ZNF280B: variants seen among roughly 807,000 people sequenced by gnomAD.
The protein encoded by ZNF280B is suppressor of hairy wing homolog 2.
A neutral mutation model predicts 38.0 loss-of-function variants in ZNF280B; 16 were observed. That is an observed-to-expected ratio of 0.42 (90% CI 0.28 to 0.64). The LOEUF is 0.64. ZNF280B is among the 30% of genes least tolerant of loss of function. The probability of loss-of-function intolerance (pLI) is 0.21; values close to 1 mark genes in which losing one functional copy is unlikely to be tolerated. For synonymous variants in ZNF280B, 253 were observed against 230.6 expected (o/e 1.10, Z -0.88); for missense variants, 581 against 639.6 (o/e 0.91, Z 0.99).
chr22:22,505,715 C>T (rs756818693), intron 2 of ZNF280B, among the ~76,000 whole-genome samples: 3 of 149,876 alleles, frequency 2.0e-5, no homozygotes, highest in South Asian at 2.1e-4. Flanking sequence ...GCCGAGACTG[C>T]GCCATTGCAC....
In ZNF280B at chr22:22,489,187, C is replaced by A. The variant is rs2061545790; in HGVS notation, c.212G>T (p.Arg71Met). The change falls in exon 4 of 4, where the codon AGG becomes ATG. Residue 71 changes from arginine to methionine, a missense_variant. Transcript: ENST00000626650. Reference sequence around the variant, plus strand: ...TCTAAGGTGATCATACTTTTTTCTCCTTGACCATGAACCCGGGGTGACTCT... The same window carrying A: ...TCTAAGGTGATCATACTTTTTTCTCATTGACCATGAACCCGGGGTGACTCT... ...LNRVTPGSWS[R>M]RKKYDHLRKD... is the part of the protein sequence containing the mutation. The A allele has an allele frequency of 6.2e-7, 1 of 1,613,686 alleles. No homozygotes were observed.
At chr22:22,499,803 A>T (rs2061780435) in intron 2 of ZNF280B, among the ~76,000 whole-genome samples, 1 of 151,922 alleles carries the variant, frequency 6.6e-6, no homozygotes, top group Non-Finnish European at 1.5e-5. Flanking sequence ...CACTTTAACC[A>T]CTTCAACTCA....
At chr22:22,506,632 C>G (rs2061944990) in intron 2 of ZNF280B, among the ~76,000 whole-genome samples, 1 of 151,680 alleles carries the variant, frequency 6.6e-6, no homozygotes, top group Non-Finnish European at 1.5e-5. Flanking sequence ...AAAACGAGAT[C>G]TTTAAGGTGA....
intron 2 of ZNF280B, among the ~76,000 whole-genome samples, chr22:22,504,970 A>T (rs866988083): frequency 6.6e-6 from 1 of 151,982 alleles, no homozygotes; most frequent in Non-Finnish European, 1.5e-5. Context: ...CAGAAGGGGT[A>T]GTCAGAAAAT....
At position 22,494,175 on chromosome 22, in the gene ZNF280B, C is replaced by A. The variant is rs945142959; in HGVS notation, c.-181G>T. ...CGTCCAGCATCTTGATCTTGAACTT[C>A]CCAGCCTAAAAATGTGAGAAATGAA... On this transcript the variant is annotated 5_prime_UTR_variant, in exon 3 of 4. Transcript: ENST00000626650. The A allele has an allele frequency of 6.6e-6, 1 of 151,926 alleles. No homozygotes were observed. Among genetic ancestry groups the A allele is most frequent in the African/African-American group, 2.4e-5 (1 of 41,382 alleles). The allele number at this position is 151,926 out of a possible 1,614,324, so 9.4% of individuals were successfully genotyped here. A position where few individuals can be genotyped will look rare whatever the true frequency, so the allele number is the denominator to read the frequency against.
At chr22:22,503,919 A>G (rs1238524538) in intron 2 of ZNF280B, among the ~76,000 whole-genome samples, 1 of 151,478 alleles carries the variant, frequency 6.6e-6, no homozygotes, top group Non-Finnish European at 1.5e-5. Context: ...GCGACTGGGA[A>G]GCTCCCAGGG....
chr22:22,499,658 A>G (rs965485401), intron 2 of ZNF280B, among the ~76,000 whole-genome samples: 1 of 151,990 alleles, frequency 6.6e-6, no homozygotes, highest in African/African-American at 2.4e-5. Flanking sequence ...GAAACAACAA[A>G]ACGATTGGGA....
intron 2 of ZNF280B, among the ~76,000 whole-genome samples, chr22:22,501,447 G>C (rs763478209): frequency 6.6e-6 from 1 of 151,432 alleles, no homozygotes; most frequent in Non-Finnish European, 1.5e-5. Flanking sequence ...GCCTGTAATC[G>C]CAGCTACTCG....
intron 2 of ZNF280B, among the ~76,000 whole-genome samples, chr22:22,494,472 C>T (rs1401263176): frequency 6.6e-6 from 1 of 151,820 alleles, no homozygotes; most frequent in African/African-American, 2.4e-5. Context: ...GTCCAGAGAC[C>T]CTTCTCTACA....
In ZNF280B at chr22:22,488,170, T is replaced by C; in HGVS notation, c.1229A>G (p.Tyr410Cys). 2 of 1,613,950 alleles carry C rather than the reference T, an allele frequency of 1.2e-6. No individual in the cohort carries two copies. Among genetic ancestry groups the C allele is most frequent in the Non-Finnish European group, 1.7e-6 (2 of 1,179,978 alleles). ...EMPYVCQVCHYRSSVFADVET... is the reference protein window; with the variant it reads ...EMPYVCQVCHCRSSVFADVET... Reference sequence around the variant, plus strand: ...TACATCAGCAAAGACCGACGATCTATAATGGCAAACCTGGCACACATAGGG... The same window carrying C: ...TACATCAGCAAAGACCGACGATCTACAATGGCAAACCTGGCACACATAGGG... The change falls in exon 4 of 4, where the codon TAT becomes TGT. Residue 410 changes from tyrosine (Y) to cysteine (C), a missense_variant. By Grantham distance (194) the Tyr-to-Cys change is radical. Coordinates refer to ENST00000626650, the MANE Select transcript of ZNF280B (RefSeq NM_080764.4).
rs200116158 is a variant in ZNF280B at position 22,488,954 on chromosome 22, T to C, written c.445A>G (p.Thr149Ala). ...CTTACTGGATGATGCAATGAATCTGTGAATGTAATCAAAGGAGAAGGTAAT... is the reference window on the plus strand; with the variant it reads ...CTTACTGGATGATGCAATGAATCTGCGAATGTAATCAAAGGAGAAGGTAAT... ...SELPSPLITF[T>A]DSLHHPVSTA... Residue 149 changes from threonine (T) to alanine (A), a missense_variant, in exon 4 of 4, where the codon ACA (threonine) becomes GCA (alanine). Thr to Ala is a moderately conservative substitution (Grantham distance 58, BLOSUM62 0). Transcript: ENST00000626650. 9.5e-5 allele frequency: 154 copies of C among 1,613,758 alleles called. No individual in the cohort carries two copies. Among genetic ancestry groups the C allele is most frequent in the Non-Finnish European group, 1.1e-4 (135 of 1,179,980 alleles).
At chr22:22,499,549 G>A (rs1014583829) in intron 2 of ZNF280B, among the ~76,000 whole-genome samples, 5 of 152,000 alleles carry the variant, frequency 3.3e-5, no homozygotes, top group African/African-American at 1.2e-4. Context: ...TTACAGGCGT[G>A]AGCCACCATG....
rs563858369 is a variant in ZNF280B, at chr22:22,494,187, A to C, written c.-186-7T>G. On this transcript the variant is annotated splice_polypyrimidine_tract_variant and splice_region_variant and intron_variant, in intron 2 of 3. Coordinates refer to ENST00000626650, the MANE Select transcript of ZNF280B (RefSeq NM_080764.4). ...TGATCTTGAACTTCCCAGCCTAAAA[A>C]TGTGAGAAATGAATTCCTGTTGTTA... 1 of 152,088 alleles carries C rather than the reference A, an allele frequency of 6.6e-6. No individual in the cohort carries two copies. The highest frequency in any genetic ancestry group is 2.1e-4 in the South Asian group (1 of 4,810). 9.4% of individuals were successfully genotyped at this position (152,088 alleles called of 1,614,324 possible).
At position 22,488,757 on chromosome 22, in the gene ZNF280B, C is replaced by T; in HGVS notation, c.642G>A (p.Gln214=). ...GAACATTATTTGAGGGTGTACTTTGCTGAGTATTCATTGTATGAAAGGTAT... is the reference window on the plus strand; with the variant it reads ...GAACATTATTTGAGGGTGTACTTTGTTGAGTATTCATTGTATGAAAGGTAT... ...PSDTFHTMNT[Q]QSTPSNNVHT... The change falls in exon 4 of 4, where the codon CAG becomes CAA. Residue 214 remains glutamine (Q), a synonymous_variant. Coordinates refer to ENST00000626650, the MANE Select transcript of ZNF280B (RefSeq NM_080764.4). 1 of 1,613,822 alleles carries T rather than the reference C, an allele frequency of 6.2e-7. No homozygotes were observed. Among genetic ancestry groups the T allele is most frequent in the Middle Eastern group, 1.7e-4 (1 of 6,054 alleles).
In ZNF280B at chr22:22,489,263, A is replaced by C. The variant is rs755853751; in HGVS notation, c.136T>G (p.Phe46Val). 6.2e-6 allele frequency: 10 copies of C among 1,613,760 alleles called. No individual in the cohort carries two copies. In the Admixed American group the frequency reaches 1.5e-4, roughly 24 times the overall value. ...EHVNEDAELI[F>V]VGVTSNSKPV... The stretch of plus-strand genomic sequence containing the variant: ...TTTGAATTTGAAGTCACCCCAACAA[A>C]GATTAGCTCAGCATCTTCATTTACA... Residue 46 changes from phenylalanine (F) to valine (V), a missense_variant, in exon 4 of 4, where the codon TTT becomes GTT. Physicochemically the swap from Phe to Val is conservative, Grantham distance 50. Transcript: ENST00000626650.
chr22:22,504,441 C>A (rs12163511), intron 2 of ZNF280B, among the ~76,000 whole-genome samples: 20,428 of 144,380 alleles, frequency 0.14, 1,764 homozygotes, highest in South Asian at 0.28. Context: ...AAAAAAAAAA[C>A]AAACAAACAA....
At chr22:22,504,043 CTGAT>C (rs1238494259) in intron 2 of ZNF280B, among the ~76,000 whole-genome samples, 1 of 151,956 alleles carries the variant, frequency 6.6e-6, no homozygotes, top group East Asian at 2.0e-4. Flanking sequence ...ATCCAAATAA[CTGAT>C]TAATTTACAC....
In ZNF280B at chr22:22,501,624, T is replaced by C. The variant is rs1030050632; in HGVS notation, c.-187+6186A>G. On this transcript the variant is annotated intron_variant, in intron 2 of 3. Transcript: ENST00000626650. ...TAGACACAGTGGCTCATGCCTGTAA[T>C]CCCAACACTTTGGAAGGCTGAGATG... Among the ~76,000 whole-genome samples the C allele has an allele frequency of 4.0e-4, 61 of 151,908 alleles. 1 individual carries two copies. The highest frequency in any genetic ancestry group is 1.4e-3 in the African/African-American group (56 of 41,452).
At chr22:22,497,040 ACTC>A (rs2061710946) in intron 2 of ZNF280B, among the ~76,000 whole-genome samples, 1 of 149,340 alleles carries the variant, frequency 6.7e-6, no homozygotes, top group South Asian at 2.1e-4. Context: ...CTGCTCTCAA[ACTC>A]CTAACCTCAG....
Sources: allele counts gnomAD v4.1 joint callset (sites outside exome capture counted in the v4.1 genomes callset), GRCh38; gene constraint gnomAD v4.1.1; transcripts MANE v1.5; gene names NCBI Gene and HGNC (gene_info 2026-07-23, HGNC 2026-07-21).